TBC1D5: variants seen among roughly 807,000 people sequenced by gnomAD.
TBC1D5 encodes TBC1 domain family, member 5.
Under a neutral mutation model 100.3 loss-of-function variants are expected in TBC1D5, and 75 were observed. That is an observed-to-expected ratio of 0.75 (90% CI 0.62 to 0.91). The LOEUF (loss-of-function observed/expected upper bound fraction) is 0.91. TBC1D5 is among the 40% of genes least tolerant of loss of function. TBC1D5 has a pLI of 0.00. For synonymous variants in TBC1D5, 323 were observed against 325.6 expected, an observed-to-expected ratio of 0.99 and a Z score of 0.09; for missense variants, 910 against 942.4, an observed-to-expected ratio of 0.97 and a Z score of 0.45.
At chr3:17,466,407 A>T (rs1179469587) in intron 3 of TBC1D5, among the ~76,000 whole-genome samples, 1 of 152,256 alleles carries the variant, frequency 6.6e-6, no homozygotes. Flanking sequence ...TCTATACAAC[A>T]AGTTCCTCAA....
At chr3:17,199,617 T>C (rs1245106784) in intron 18 of TBC1D5, among the ~76,000 whole-genome samples, 1 of 152,214 alleles carries the variant, frequency 6.6e-6, no homozygotes, top group Non-Finnish European at 1.5e-5. Flanking sequence ...GGACATTGTA[T>C]TGAGGCCTCC....
intron 8 of TBC1D5, among the ~76,000 whole-genome samples, chr3:17,401,086 G>C (rs1379748071): frequency 6.6e-6 from 1 of 152,002 alleles, no homozygotes; most frequent in East Asian, 1.9e-4. Flanking sequence ...TGTCCCTCTA[G>C]AGAACGCTAA....
At chr3:17,404,608 T>C (rs1351978131) in intron 7 of TBC1D5, 86 bp downstream of exon 7, 4 of 1,209,316 alleles carry the variant, frequency 3.3e-6, no homozygotes, top group Non-Finnish European at 4.6e-6. Flanking sequence ...ATGAAATATA[T>C]TGCTTTCATG....
intron 2 of TBC1D5, among the ~76,000 whole-genome samples, chr3:17,607,659 C>T (rs2061415056): frequency 6.6e-6 from 1 of 151,978 alleles, no homozygotes; most frequent in African/African-American, 2.4e-5. Flanking sequence ...TTGCCCCCGC[C>T]AATACCCCCC....
chr3:17,254,865 T>C (rs926531972), intron 16 of TBC1D5, among the ~76,000 whole-genome samples: 6 of 151,270 alleles, frequency 4.0e-5, no homozygotes, highest in Non-Finnish European at 8.8e-5. Flanking sequence ...GGAAAAAGGT[T>C]GGAGTCAAAG....
intron 9 of TBC1D5, among the ~76,000 whole-genome samples, chr3:17,380,335 TA>T (rs2092898333): frequency 6.6e-6 from 1 of 152,074 alleles, no homozygotes; most frequent in Admixed American, 6.6e-5. Context: ...GACTTTCATC[TA>T]AACTAGGGAT....
At chr3:17,695,666 A>T (rs971772209) in intron 1 of TBC1D5, among the ~76,000 whole-genome samples, 10 of 152,182 alleles carry the variant, frequency 6.6e-5, no homozygotes, top group African/African-American at 2.4e-4. Flanking sequence ...TTAACACCCC[A>T]CTGTCAATAT....
chr3:17,594,289 G>T (rs1032024591), intron 2 of TBC1D5, among the ~76,000 whole-genome samples: 3 of 152,120 alleles, frequency 2.0e-5, no homozygotes, highest in Non-Finnish European at 2.9e-5. Context: ...AATCCATTAG[G>T]GCGTCTCTTA....
intron 2 of TBC1D5, among the ~76,000 whole-genome samples, chr3:17,619,356 A>G (rs748475950): frequency 2.6e-5 from 4 of 152,212 alleles, no homozygotes; most frequent in Non-Finnish European, 5.9e-5. Flanking sequence ...AACACATACT[A>G]CAAGCATTAA....
At chr3:17,173,968 A>T (rs926376830) in intron 19 of TBC1D5, among the ~76,000 whole-genome samples, 1 of 152,054 alleles carries the variant, frequency 6.6e-6, no homozygotes, top group African/African-American at 2.4e-5. Context: ...AGTTGTCCAA[A>T]CCCTAGGAGA....
chr3:17,403,193 T>C, exon 8 of TBC1D5: 1 of 1,588,262 alleles, frequency 6.3e-7, no homozygotes, highest in Non-Finnish European at 8.6e-7. Flanking sequence ...TCTTTTGACA[T>C]CTTGTTCAAT....
chr3:17,491,088 A>G (rs2095634468), intron 3 of TBC1D5, among the ~76,000 whole-genome samples: 1 of 152,158 alleles, frequency 6.6e-6, no homozygotes, highest in Non-Finnish European at 1.5e-5. Flanking sequence ...ATGGGAGTTC[A>G]TTCATGATTT....
chr3:17,282,999 G>C (rs535828561), intron 15 of TBC1D5, among the ~76,000 whole-genome samples: 1 of 152,326 alleles, frequency 6.6e-6, no homozygotes, highest in Admixed American at 6.5e-5. Context: ...ATAAAGAACG[G>C]CCAGGCCCTG....
At chr3:17,231,254 A>G (rs993947405) in intron 17 of TBC1D5, among the ~76,000 whole-genome samples, 3 of 152,188 alleles carry the variant, frequency 2.0e-5, no homozygotes, top group Non-Finnish European at 4.4e-5. Context: ...AATTTCTAAA[A>G]CTAATTTTGA....
intron 1 of TBC1D5, among the ~76,000 whole-genome samples, chr3:17,704,831 C>T (rs2073805085): frequency 2.2e-5 from 2 of 90,350 alleles, no homozygotes; most frequent in Non-Finnish European, 2.3e-5. Flanking sequence ...GAGGGCTGAC[C>T]CCCCCACCTC....
At position 17,725,771 on chromosome 3, in the gene TBC1D5, C is replaced by A. The variant is rs894680462; in HGVS notation, c.-101+13572G>T. Reference sequence around the variant, plus strand: ...GCATGTTTGTCATATACGTAAACTGCATGTCACAGGGGTTTGGTGTGCAGA... The same window carrying A: ...GCATGTTTGTCATATACGTAAACTGAATGTCACAGGGGTTTGGTGTGCAGA... On this transcript the variant is annotated intron_variant, in intron 1 of 21. Transcript: ENST00000253692. Among the ~76,000 whole-genome samples the A allele has an allele frequency of 1.6e-4, 24 of 152,148 alleles. 1 individual carries two copies. Among genetic ancestry groups the A allele is most frequent in the African/African-American group, 5.6e-4 (23 of 41,426 alleles).
chr3:17,159,844 G>A (rs2065887043), exon 22 of TBC1D5: 1 of 152,214 alleles, frequency 6.6e-6, no homozygotes, highest in Non-Finnish European at 1.5e-5. Context: ...TAGAAATCCT[G>A]CATCCTCTTG....
chr3:17,697,301 G>T (rs1156306915), intron 1 of TBC1D5, among the ~76,000 whole-genome samples: 1 of 152,208 alleles, frequency 6.6e-6, no homozygotes, highest in African/African-American at 2.4e-5. Flanking sequence ...ATTAGGAAAA[G>T]AGGAAGTCAA....
chr3:17,291,648 A>T (rs182632243), intron 15 of TBC1D5, among the ~76,000 whole-genome samples: 1 of 152,324 alleles, frequency 6.6e-6, no homozygotes, highest in Admixed American at 6.5e-5. Context: ...GGAAAAGCAT[A>T]GAATAACCTT....
Sources: gnomAD v4.1 joint callset for allele counts (sites outside exome capture counted in the v4.1 genomes callset) on GRCh38, gnomAD v4.1.1 for gene constraint, MANE v1.5 for transcripts, NCBI Gene and HGNC (gene_info 2026-07-23, HGNC 2026-07-21) for gene names.